Variants in COL6A6 observed in about 807,000 individuals in gnomAD.
COL6A6 encodes collagen alpha-6(VI) chain.
COL6A6 carries 183 observed loss-of-function variants against 208.6 expected under a neutral mutation model. The ratio of observed to expected loss-of-function variants is 0.88; its 90% CI spans 0.78 to 0.99. The LOEUF is 0.99. Among genes scored for constraint, COL6A6 ranks in the 50% least tolerant of loss-of-function variants. COL6A6 has a pLI of 0.00. For missense variants in COL6A6, 2,816 were observed against 2,815.2 expected (o/e 1.00, Z -0.01); for synonymous variants, 973 against 1,011.8 (o/e 0.96, Z 0.73).
chr3:130,575,919 T>C (rs2063284725), intron 8 of COL6A6, among the ~76,000 whole-genome samples: 1 of 151,970 alleles, frequency 6.6e-6, no homozygotes, highest in African/African-American at 2.4e-5. Context: ...GGAGGCTAAG[T>C]ATGTCTCTAT....
intron 1 of COL6A6, among the ~76,000 whole-genome samples, chr3:130,527,890 C>CTTTTTTTTTTTTTT (rs56110472): frequency 5.7e-4 from 33 of 57,814 alleles, no homozygotes; most frequent in Non-Finnish European, 7.3e-4. Flanking sequence ...GTTACTTTTC[C>CTTTTTTTTTTTTTT]TTTTTTTTTT....
At chr3:130,623,711 G>C (rs1232267979) in intron 24 of COL6A6, among the ~76,000 whole-genome samples, 3 of 152,134 alleles carry the variant, frequency 2.0e-5, no homozygotes, top group Non-Finnish European at 4.4e-5. Flanking sequence ...GGTTTAAGAG[G>C]AAAGAAAATC....
chr3:130,664,643 A>G (rs1042093637), intron 35 of COL6A6, among the ~76,000 whole-genome samples: 21 of 152,120 alleles, frequency 1.4e-4, no homozygotes, highest in Non-Finnish European at 1.6e-4. Context: ...TTTCCTTTGC[A>G]TTTTGATATT....
intron 12 of COL6A6, 136 bp downstream of exon 12, chr3:130,589,318 T>A: frequency 1.7e-6 from 1 of 573,700 alleles, no homozygotes; most frequent in South Asian, 2.6e-5. Context: ...CTCCTCTTTT[T>A]ATATGTTAAG....
chr3:130,598,531 G>A (rs1486209048), intron 19 of COL6A6, 101 bp downstream of exon 19: 2 of 779,966 alleles, frequency 2.6e-6, no homozygotes, highest in Non-Finnish European at 4.3e-6. Flanking sequence ...GAATCAAAGT[G>A]GATATACTTG....
intron 20 of COL6A6, among the ~76,000 whole-genome samples, chr3:130,603,848 A>G (rs1413275375): frequency 2.6e-5 from 4 of 152,000 alleles, no homozygotes; most frequent in African/African-American, 9.7e-5. Flanking sequence ...TGATGGTTCT[A>G]TATCTAGGAA....
chr3:130,568,440 G>A lies in COL6A6; in HGVS notation c.2237G>A (p.Arg746Gln), dbSNP rs371129727. ...DIVKEPAVVL[R>Q]QEGVIIYSVG... ...GTAAAGGAACCAGCAGTAGTGCTTCGGCAAGAAGGTGTAATCATCTATTCT... is the reference window on the plus strand; with the variant it reads ...GTAAAGGAACCAGCAGTAGTGCTTCAGCAAGAAGGTGTAATCATCTATTCT... Residue 746 changes from arginine (R) to glutamine (Q), a missense_variant, in exon 6 of 37, where the codon CGG becomes CAG. Transcript: ENST00000358511. The A allele has an allele frequency of 7.2e-5, 117 of 1,613,810 alleles. 1 individual carries two copies. Among genetic ancestry groups the A allele is most frequent in the South Asian group, 4.5e-4 (41 of 91,076 alleles).
intron 23 of COL6A6, among the ~76,000 whole-genome samples, chr3:130,618,159 A>C (rs2064592636): frequency 6.6e-6 from 1 of 152,134 alleles, no homozygotes; most frequent in Non-Finnish European, 1.5e-5. Context: ...GAGTTTGGGA[A>C]TCCTGTCCCA....
chr3:130,656,611 G>A (rs533162816), intron 33 of COL6A6, among the ~76,000 whole-genome samples: 15 of 152,204 alleles, frequency 9.9e-5, no homozygotes, highest in East Asian at 3.9e-4. Flanking sequence ...CCCAGGCTTC[G>A]GGCTCCCCCT....
intron 1 of COL6A6, among the ~76,000 whole-genome samples, chr3:130,524,850 T>C (rs765951336): frequency 3.9e-5 from 6 of 152,192 alleles, no homozygotes; most frequent in Non-Finnish European, 5.9e-5. Context: ...AGATGTGCGC[T>C]GTGGATGCAG....
intron 1 of COL6A6, among the ~76,000 whole-genome samples, chr3:130,539,410 T>C (rs2062303394): frequency 6.6e-6 from 1 of 152,140 alleles, no homozygotes; most frequent in African/African-American, 2.4e-5. Context: ...CCGAGGCCGG[T>C]GGATCAAGAG....
chr3:130,609,395 G>A (rs2108204342), intron 22 of COL6A6, among the ~76,000 whole-genome samples: 1 of 152,270 alleles, frequency 6.6e-6, no homozygotes, highest in East Asian at 1.9e-4. Context: ...GACATCAGTG[G>A]GGTTATCTGC....
At chr3:130,602,416 C>T (rs1345684828) in intron 20 of COL6A6, among the ~76,000 whole-genome samples, 1 of 151,980 alleles carries the variant, frequency 6.6e-6, no homozygotes, top group Non-Finnish European at 1.5e-5. Flanking sequence ...TTAATCAGGA[C>T]GTAAAGCTGC....
Position 130,606,924 on chromosome 3 carries a change from A to C in COL6A6, c.4654-7A>C, listed in dbSNP as rs772392672. The C allele has an allele frequency of 1.2e-6, 2 of 1,606,676 alleles. No individual in the cohort carries two copies. Among genetic ancestry groups the C allele is most frequent in the East Asian group, 2.2e-5 (1 of 44,716 alleles). On this transcript the variant is annotated splice_polypyrimidine_tract_variant and splice_region_variant and intron_variant, in intron 20 of 36. Transcript: ENST00000358511. ...ATTAATGATATCCACCTTTTCTTCT[A>C]TTTTAGGCAGCTCATGGCAGAAGGG...
intron 10 of COL6A6, among the ~76,000 whole-genome samples, chr3:130,583,260 G>A (rs1180592454): frequency 2.0e-5 from 3 of 151,998 alleles, no homozygotes; most frequent in African/African-American, 4.8e-5. Flanking sequence ...CCTTATTTAC[G>A]AAGTATGCCT....
intron 10 of COL6A6, among the ~76,000 whole-genome samples, chr3:130,585,834 A>C (rs72994317): frequency 0.02 from 3,071 of 152,338 alleles, 110 homozygotes; most frequent in African/African-American, 0.07. Flanking sequence ...TTTTGTTAAA[A>C]TACAAATTCT....
intron 32 of COL6A6, among the ~76,000 whole-genome samples, chr3:130,646,577 C>CA (rs988966314): frequency 4.6e-5 from 7 of 151,500 alleles, no homozygotes; most frequent in East Asian, 1.9e-4. Flanking sequence ...CCGTCTCAAA[C>CA]AAAAAAAACC....
At position 130,627,351 on chromosome 3, in the gene COL6A6, C is replaced by T. The variant is rs371710564; in HGVS notation, c.4974C>T (p.Val1658=). 21 of 1,613,574 alleles carry T rather than the reference C, an allele frequency of 1.3e-5. No individual in the cohort carries two copies. The highest frequency in any genetic ancestry group is 5.0e-5 in the Admixed American group (3 of 60,012). ...ATGGCAGTCCAGGTTATGGTAGTGT[C>T]GGACGCAAGGGAGCAAAGGTAAGTC... is the stretch of plus-strand genomic sequence containing the variant. The part of the protein sequence containing the change: ...GNDGSPGYGS[V]GRKGAKGQEG... The change falls in exon 26 of 37, where the codon GTC becomes GTT. Residue 1658 remains valine (V), a synonymous_variant. Transcript: ENST00000358511.
rs900336945 is a variant in COL6A6 at position 130,604,368 on chromosome 3, G to A, written c.4654-2563G>A. On this transcript the variant is annotated intron_variant, in intron 20 of 36. Coordinates refer to ENST00000358511, the MANE Select transcript of COL6A6 (RefSeq NM_001102608.3). ...AAATTAGCCGGGCGTGGTGGCGGGCGCCTGTAGTCCCAGCTACTCGGGAGG... is the reference window on the plus strand; with the variant it reads ...AAATTAGCCGGGCGTGGTGGCGGGCACCTGTAGTCCCAGCTACTCGGGAGG... Among the ~76,000 whole-genome samples the A allele has an allele frequency of 1.8e-4, 28 of 152,202 alleles. 2 individuals carry two copies. Among genetic ancestry groups the A allele is most frequent in the Admixed American group, 9.2e-4 (14 of 15,298 alleles).
Sources: allele counts gnomAD v4.1 joint callset (sites outside exome capture counted in the v4.1 genomes callset), GRCh38; gene constraint gnomAD v4.1.1; transcripts MANE v1.5; gene names NCBI Gene and HGNC (gene_info 2026-07-23, HGNC 2026-07-21).